ABHD12B: variants seen among roughly 807,000 people sequenced by gnomAD.
ABHD12B encodes abhydrolase domain containing 12B, also known as protein ABHD12B.
In ABHD12B, 42 loss-of-function variants were observed where a neutral mutation model predicts 50.4. The observed-to-expected ratio is 0.83, with a 90% CI of 0.65 to 1.08. The LOEUF is 1.08. Ranked by LOEUF, ABHD12B falls within the 50% of genes least tolerant of loss-of-function variation. The pLI, the probability that ABHD12B is intolerant of heterozygous loss-of-function variation, is 0.00. For missense variants in ABHD12B, 479 were observed against 447.7 expected, an observed-to-expected ratio of 1.07 and a Z score of -0.63; for synonymous variants, 167 against 160.3, an observed-to-expected ratio of 1.04 and a Z score of -0.32.
intron 9 of ABHD12B, among the ~76,000 whole-genome samples, chr14:50,889,661 T>C (rs2050091141): frequency 6.6e-6 from 1 of 152,134 alleles, no homozygotes; most frequent in Non-Finnish European, 1.5e-5. Context: ...AAATCTATTG[T>C]GTAGACTATC....
chr14:50,900,495 T>C (rs188668190), intron 9 of ABHD12B, among the ~76,000 whole-genome samples: 1 of 152,176 alleles, frequency 6.6e-6, no homozygotes, highest in African/African-American at 2.4e-5. Flanking sequence ...AGAAGATAAA[T>C]ACATTAAAAA....
intron 9 of ABHD12B, chr14:50,891,295 T>G (rs1008105277): frequency 7.9e-5 from 12 of 152,160 alleles, no homozygotes; most frequent in Non-Finnish European, 1.6e-4. Context: ...CAGGCTGGAG[T>G]GCAGTGGCGT....
chr14:50,872,159 C>T lies in ABHD12B; in HGVS notation c.-16C>T, dbSNP rs1222196416. ...AGCTCCCGCGGCGGTGGCGGCGTATCGGGACACGGCGCGGGATGGACGCGC... is the reference window on the plus strand; with the variant it reads ...AGCTCCCGCGGCGGTGGCGGCGTATTGGGACACGGCGCGGGATGGACGCGC... On this transcript the variant is annotated 5_prime_UTR_variant, in exon 1 of 13. Coordinates refer to ENST00000337334, the MANE Select transcript of ABHD12B (RefSeq NM_001206673.2). 4 of 1,291,774 alleles carry T rather than the reference C, an allele frequency of 3.1e-6. No homozygotes were observed. The African/African-American group carries it at 4.6e-5, about 15-fold the overall frequency. 80.0% of individuals were successfully genotyped at this position (1,291,774 alleles called of 1,614,324 possible). A position where few individuals can be genotyped will look rare whatever the true frequency, so the allele number is the denominator to read the frequency against.
At chr14:50,899,587 C>A (rs1450488806) in intron 9 of ABHD12B, among the ~76,000 whole-genome samples, 1 of 152,138 alleles carries the variant, frequency 6.6e-6, no homozygotes, top group Admixed American at 6.5e-5. Flanking sequence ...CCCCCTCTAC[C>A]CCTCCTCTCT....
At position 50,872,265 on chromosome 14, in the gene ABHD12B, G is replaced by A; in HGVS notation, c.91G>A (p.Asp31Asn). Reference sequence around the variant, plus strand: ...CGTGGCCGCCTGGTGGGACATGGTCGACCGCAACCTGCGGTGAGTACCGCC... The same window carrying A: ...CGTGGCCGCCTGGTGGGACATGGTCAACCGCAACCTGCGGTGAGTACCGCC... ...SCVAAWWDMV[D>N]RNLRYFPHSC... The change falls in exon 1 of 13, where the codon GAC becomes AAC. Residue 31 changes from aspartate (D) to asparagine (N), a missense_variant. Physicochemically the swap from Asp to Asn is conservative, Grantham distance 23. Coordinates refer to ENST00000337334, the MANE Select transcript of ABHD12B (RefSeq NM_001206673.2). 1.5e-6 allele frequency: 2 copies of A among 1,375,494 alleles called. No individual in the cohort carries two copies. Among genetic ancestry groups the A allele is most frequent in the East Asian group, 3.1e-5 (1 of 32,342 alleles). 85.2% of individuals were successfully genotyped at this position (1,375,494 alleles called of 1,614,324 possible).
chr14:50,896,385 G>T (rs929536442), intron 9 of ABHD12B, among the ~76,000 whole-genome samples: 5 of 152,004 alleles, frequency 3.3e-5, no homozygotes, highest in Non-Finnish European at 7.4e-5. Context: ...ATATAAGAAG[G>T]CAGGAATGTC....
intron 10 of ABHD12B, 51 bp from the exon 11 acceptor site, chr14:50,903,338 A>G (rs773240540): frequency 2.1e-6 from 3 of 1,408,124 alleles, no homozygotes; most frequent in South Asian, 2.4e-5. Flanking sequence ...AAGAGGAGAA[A>G]TCTCAATGTA....
At position 50,904,515 on chromosome 14, in the gene ABHD12B, A is replaced by G; in HGVS notation, c.*149A>G. 1 of 965,456 alleles carries G rather than the reference A, an allele frequency of 1.0e-6. No individual in the cohort carries two copies. Among genetic ancestry groups the G allele is most frequent in the Non-Finnish European group, 1.6e-6 (1 of 618,156 alleles). The allele number at this position is 965,456 out of a possible 1,614,324, so 59.8% of individuals were successfully genotyped here. On this transcript the variant is annotated 3_prime_UTR_variant, in exon 13 of 13. Coordinates refer to ENST00000337334, the MANE Select transcript of ABHD12B (RefSeq NM_001206673.2). ...ATCACTTGCCATTTTAACAACAGAA[A>G]GTACGAATGTTAGGCAGTATGGAAT...
At chr14:50,880,368 A>G in intron 3 of ABHD12B, 84 bp from the exon 4 acceptor site, 1 of 1,381,390 alleles carries the variant, frequency 7.2e-7, no homozygotes. Context: ...ATATATGTAT[A>G]TATATCATAA....
At chr14:50,873,855 A>G (rs11157775) in intron 1 of ABHD12B, among the ~76,000 whole-genome samples, 35,231 of 152,106 alleles carry the variant, frequency 0.23, 4,362 homozygotes, top group East Asian at 0.35. Flanking sequence ...TTGATAATGG[A>G]GTGGGAGATA....
chr14:50,901,216 G>A (rs2142771886), intron 9 of ABHD12B, among the ~76,000 whole-genome samples: 1 of 152,334 alleles, frequency 6.6e-6, no homozygotes, highest in South Asian at 2.1e-4. Flanking sequence ...TGTTGACTAT[G>A]TGAGTCAAAA....
At chr14:50,886,041 G>A in intron 7 of ABHD12B, 146 bp downstream of exon 7, 1 of 1,187,398 alleles carries the variant, frequency 8.4e-7, no homozygotes, top group Non-Finnish European at 1.2e-6. Flanking sequence ...AGTGGCTGAA[G>A]ATCTTGCCAT....
At chr14:50,889,692 T>C (rs1452865485) in intron 9 of ABHD12B, among the ~76,000 whole-genome samples, 1 of 152,230 alleles carries the variant, frequency 6.6e-6, no homozygotes, top group Non-Finnish European at 1.5e-5. Context: ...AATCTTATTC[T>C]ATACCTAATG....
intron 9 of ABHD12B, among the ~76,000 whole-genome samples, chr14:50,893,953 C>T (rs2050156140): frequency 6.6e-6 from 1 of 152,262 alleles, no homozygotes; most frequent in Non-Finnish European, 1.5e-5. Context: ...ACTGGGAAGG[C>T]AGCCTTCCCT....
chr14:50,902,081 A>G (rs987648585), intron 10 of ABHD12B, among the ~76,000 whole-genome samples, 170 bp downstream of exon 10: 3 of 152,198 alleles, frequency 2.0e-5, no homozygotes, highest in African/African-American at 7.2e-5. Flanking sequence ...TAAAGTATCT[A>G]TGAATTTTTA....
chr14:50,896,609 C>A (rs1381896731), intron 9 of ABHD12B, among the ~76,000 whole-genome samples: 1 of 132,988 alleles, frequency 7.5e-6, no homozygotes, highest in African/African-American at 2.5e-5. Flanking sequence ...GCTGCCCCAC[C>A]TTAACTGAGT....
In ABHD12B at chr14:50,895,878, C is replaced by A. The variant is rs879213149; in HGVS notation, c.781-5951C>A. ...TCCCCAACTCTGGTGCCAACTTAGA[C>A]AATACTCTTTTAAGCACTCCTTTTT... On this transcript the variant is annotated intron_variant, in intron 9 of 12. Coordinates refer to ENST00000337334, the MANE Select transcript of ABHD12B (RefSeq NM_001206673.2). 1.1e-4 allele frequency among the ~76,000 whole-genome samples: 16 copies of A among 152,196 alleles called. No individual in the cohort carries two copies. The East Asian group carries it at 1.5e-3, about 15-fold the overall frequency.
chr14:50,903,201 C>T (rs1174020885), intron 10 of ABHD12B, among the ~76,000 whole-genome samples, 188 bp from the exon 11 acceptor site: 7 of 150,898 alleles, frequency 4.6e-5, no homozygotes, highest in Non-Finnish European at 8.8e-5. Flanking sequence ...GAGAGGGAAA[C>T]TTGCATGGAG....
chr14:50,892,561 G>A (rs935360853), intron 9 of ABHD12B: 17 of 985,314 alleles, frequency 1.7e-5, no homozygotes, highest in Non-Finnish European at 1.9e-5. Flanking sequence ...AACACTCACA[G>A]CAGAAGTTAA....
Sources: allele counts gnomAD v4.1 joint callset (sites outside exome capture counted in the v4.1 genomes callset), GRCh38; gene constraint gnomAD v4.1.1; transcripts MANE v1.5; gene names NCBI Gene and HGNC (gene_info 2026-07-23, HGNC 2026-07-21).